The following VSTM2A variants were observed in gnomAD, a reference collection of about 807,000 sequenced individuals.
VSTM2A encodes V-set and transmembrane domain-containing protein 2A.
VSTM2A carries 13 observed loss-of-function variants against 27.3 expected under a neutral mutation model. That is an observed-to-expected ratio of 0.48 (90% CI 0.31 to 0.76). The LOEUF (loss-of-function observed/expected upper bound fraction) is 0.76. Ranked by LOEUF, VSTM2A falls within the 30% of genes least tolerant of loss-of-function variation. VSTM2A has a pLI of 0.05. For synonymous variants in VSTM2A, 142 were observed against 125.7 expected, an observed-to-expected ratio of 1.13 and a Z score of -0.87; for missense variants, 280 against 310.0, an observed-to-expected ratio of 0.90 and a Z score of 0.73.
rs1263678229 is a variant in VSTM2A at position 54,544,886 on chromosome 7, T to C, written c.246+98T>C. 2.9e-6 allele frequency: 4 copies of C among 1,380,430 alleles called. No homozygotes were observed. The Admixed American group carries it at 1.1e-4, about 38-fold the overall frequency. 85.5% of individuals were successfully genotyped at this position (1,380,430 alleles called of 1,614,324 possible). ...GGCCGAGGTGCTGCCTGGACACCCC[T>C]GGGGACCTGCCCGGTTCTGTGGAAG... On this transcript the variant is annotated intron_variant, in intron 2 of 4. Coordinates refer to ENST00000402613, the MANE Select transcript of VSTM2A (RefSeq NM_001301009.2).
At chr7:54,559,420 C>T (rs1322637313) in intron 4 of VSTM2A, 1 of 151,600 alleles carries the variant, frequency 6.6e-6, no homozygotes, top group Admixed American at 6.6e-5. Flanking sequence ...TGATGCAGTC[C>T]CAGTCAAAAC....
intron 3 of VSTM2A, among the ~76,000 whole-genome samples, chr7:54,548,844 G>C (rs538598486): frequency 6.6e-6 from 1 of 151,816 alleles, no homozygotes; most frequent in Non-Finnish European, 1.5e-5. Flanking sequence ...AAGTGTAGTG[G>C]CCATTAGCAG....
At chr7:54,546,710 G>T in intron 2 of VSTM2A, 1 of 500,130 alleles carries the variant, frequency 2.0e-6, no homozygotes, top group South Asian at 2.6e-5. Flanking sequence ...CCCCGGGACA[G>T]CCCCGGGGAA....
chr7:54,550,189 A>T lies in VSTM2A; in HGVS notation c.634+19A>T. On this transcript the variant is annotated intron_variant, in intron 4 of 4. Transcript: ENST00000402613. Reference sequence around the variant, plus strand: ...CAATCAGGTATGGAAACCCATTTCGAGCCTTTTATTTTACCACTCACAAAC... The same window carrying T: ...CAATCAGGTATGGAAACCCATTTCGTGCCTTTTATTTTACCACTCACAAAC... The T allele has an allele frequency of 1.3e-6, 2 of 1,574,530 alleles. No homozygotes were observed. Among genetic ancestry groups the T allele is most frequent in the Non-Finnish European group, 1.7e-6 (2 of 1,160,474 alleles).
rs1020778071 is a variant in VSTM2A at position 54,570,567 on chromosome 7, T to A, written c.*1348T>A. 1 of 152,200 alleles carries A rather than the reference T, an allele frequency of 6.6e-6. No homozygotes were observed. Among genetic ancestry groups the A allele is most frequent in the African/African-American group, 2.4e-5 (1 of 41,464 alleles). The allele number at this position is 152,200 out of a possible 1,614,324, so 9.4% of individuals were successfully genotyped here. ...TGGCAGGTCCCCGACTAAAGAAGAT[T>A]AATGTGTTCAGTTTTCACTGGTTAA... On this transcript the variant is annotated 3_prime_UTR_variant, in exon 5 of 5. Coordinates refer to ENST00000402613, the MANE Select transcript of VSTM2A (RefSeq NM_001301009.2).
At chr7:54,568,768 T>C (rs1236702329) in intron 4 of VSTM2A, among the ~76,000 whole-genome samples, 1 of 152,132 alleles carries the variant, frequency 6.6e-6, no homozygotes, top group East Asian at 1.9e-4. Context: ...GATTTGCCCC[T>C]CTCAGTGTTC....
chr7:54,550,264 A>C (rs773080597), intron 4 of VSTM2A, 94 bp downstream of exon 4: 1 of 1,522,542 alleles, frequency 6.6e-7, no homozygotes, highest in African/African-American at 1.4e-5. Context: ...ATGAATGGTG[A>C]TTTTTAAAAT....
At chr7:54,553,975 C>A in intron 4 of VSTM2A, 1 of 1,552,884 alleles carries the variant, frequency 6.4e-7, no homozygotes, top group South Asian at 1.2e-5. Context: ...CCCACCTTCC[C>A]AACGTCACAC....
At chr7:54,545,646 G>C (rs1292282703) in intron 2 of VSTM2A, among the ~76,000 whole-genome samples, 1 of 70,808 alleles carries the variant, frequency 1.4e-5, no homozygotes, top group Admixed American at 1.3e-4. Flanking sequence ...AGGGGGAGAC[G>C]GGAAGAGACA....
intron 3 of VSTM2A, among the ~76,000 whole-genome samples, chr7:54,548,384 A>G (rs1438984796): frequency 1.3e-5 from 2 of 151,870 alleles, no homozygotes; most frequent in Non-Finnish European, 2.9e-5. Context: ...GACCTTGAAC[A>G]TATTTTCTCA....
intron 4 of VSTM2A, 124 bp downstream of exon 4, chr7:54,550,294 A>C: frequency 6.7e-7 from 1 of 1,495,486 alleles, no homozygotes; most frequent in Non-Finnish European, 8.9e-7. Context: ...AGTTCAGTGC[A>C]AGTGATTATG....
intron 2 of VSTM2A, chr7:54,546,180 GA>G: frequency 6.6e-6 from 1 of 152,238 alleles, no homozygotes; most frequent in Non-Finnish European, 1.5e-5. Context: ...AGAAGGGAAG[GA>G]AAAGGAGAGA....
intron 4 of VSTM2A, among the ~76,000 whole-genome samples, chr7:54,555,953 C>A (rs1177610463): frequency 6.6e-6 from 1 of 152,160 alleles, no homozygotes; most frequent in Non-Finnish European, 1.5e-5. Context: ...ACTGAATCAG[C>A]ATCTCTGAGT....
At chr7:54,546,758 G>C (rs140013865) in intron 2 of VSTM2A, 189 bp from the exon 3 acceptor site, 5 of 582,622 alleles carry the variant, frequency 8.6e-6, no homozygotes, top group Non-Finnish European at 1.4e-5. Flanking sequence ...GGGACAGCGT[G>C]GGGTATGCCA....
At position 54,570,059 on chromosome 7, in the gene VSTM2A, A is replaced by G. The variant is rs1263544891; in HGVS notation, c.*840A>G. 6.6e-6 allele frequency: 1 copy of G among 152,208 alleles called. No individual in the cohort carries two copies. The highest frequency in any genetic ancestry group is 2.4e-5 in the African/African-American group (1 of 41,458). 9.4% of individuals were successfully genotyped at this position (152,208 alleles called of 1,614,324 possible). ...TCACTTCCACAGGTTTGACAGCTGCAGATGGTCTCTATTGTCCTCTGCTTC... is the reference window on the plus strand; with the variant it reads ...TCACTTCCACAGGTTTGACAGCTGCGGATGGTCTCTATTGTCCTCTGCTTC... On this transcript the variant is annotated 3_prime_UTR_variant, in exon 5 of 5. Transcript: ENST00000402613.
Position 54,544,933 on chromosome 7 carries a change from AG to A in VSTM2A, c.246+148del, listed in dbSNP as rs1453635530. 7.0e-6 allele frequency: 7 copies of A among 993,930 alleles called. 1 individual carries two copies. The highest frequency in any genetic ancestry group is 3.0e-5 in the Admixed American group (1 of 33,472). 61.6% of individuals were successfully genotyped at this position (993,930 alleles called of 1,614,324 possible). ...GAAGCGAGTGACCCCCAGGGCTTCT[AG>A]GGAGGGAAAGGGAATTTGTCCTGGG... is the stretch of plus-strand genomic sequence containing the variant. On this transcript the variant is annotated intron_variant, in intron 2 of 4. Coordinates refer to ENST00000402613, the MANE Select transcript of VSTM2A (RefSeq NM_001301009.2).
At chr7:54,550,302 A>C (rs1788147781) in intron 4 of VSTM2A, 132 bp downstream of exon 4, 1 of 1,488,570 alleles carries the variant, frequency 6.7e-7, no homozygotes, top group Admixed American at 2.3e-5. Context: ...GCAAGTGATT[A>C]TGAGAGGTGA....
intron 3 of VSTM2A, 42 bp from the exon 4 acceptor site, chr7:54,549,792 T>C: frequency 6.7e-7 from 1 of 1,501,330 alleles, no homozygotes; most frequent in Non-Finnish European, 8.9e-7. Flanking sequence ...CAAAATCATT[T>C]GATGTAGCAC....
At chr7:54,561,242 G>A (rs753983514) in intron 4 of VSTM2A, among the ~76,000 whole-genome samples, 11 of 152,276 alleles carry the variant, frequency 7.2e-5, no homozygotes, top group Non-Finnish European at 1.3e-4. Context: ...GCAGCACCTA[G>A]CATTGTGTTT....
Sources: gnomAD v4.1 joint callset for allele counts (sites outside exome capture counted in the v4.1 genomes callset) on GRCh38, gnomAD v4.1.1 for gene constraint, MANE v1.5 for transcripts, NCBI Gene and HGNC (gene_info 2026-07-23, HGNC 2026-07-21) for gene names.